Variants in LYST observed in about 807,000 individuals in gnomAD.
LYST encodes the protein lysosomal-trafficking regulator.
Under a neutral mutation model 413.6 loss-of-function variants are expected in LYST, and 192 were observed. That is an observed-to-expected ratio of 0.46 (90% CI 0.41 to 0.52). The LOEUF (loss-of-function observed/expected upper bound fraction) is 0.52, where lower values mean the gene tolerates loss of function less well. Ranked by LOEUF, LYST falls within the 20% of genes least tolerant of loss-of-function variation. The pLI, the probability that LYST is intolerant of heterozygous loss-of-function variation, is 0.00. For synonymous variants in LYST, 1,525 were observed against 1,567.3 expected (o/e 0.97, Z 0.64); for missense variants, 3,815 against 4,499.9 (o/e 0.85, Z 4.35).
intron 44 of LYST, among the ~76,000 whole-genome samples, chr1:235,703,252 C>G (rs973068260): frequency 1.3e-5 from 2 of 151,958 alleles, no homozygotes; most frequent in African/African-American, 4.8e-5. Context: ...CATATATGAC[C>G]TGATACTAAA....
intron 47 of LYST, among the ~76,000 whole-genome samples, chr1:235,689,081 GA>G (rs1224135687): frequency 2.0e-5 from 3 of 150,624 alleles, no homozygotes; most frequent in Non-Finnish European, 4.4e-5. Flanking sequence ...TCAAATCAAA[GA>G]ATTAATGGGT....
At chr1:235,692,148 C>A (rs1660710319) in intron 47 of LYST, among the ~76,000 whole-genome samples, 1 of 150,872 alleles carries the variant, frequency 6.6e-6, no homozygotes, top group African/African-American at 2.4e-5. Context: ...ACCTGGCTAA[C>A]ATGGTGAAAC....
chr1:235,738,226 A>G (rs1372438085), intron 31 of LYST: 13 of 1,610,598 alleles, frequency 8.1e-6, no homozygotes, highest in Non-Finnish European at 8.5e-6. Flanking sequence ...AGAACACCAA[A>G]GATTGTCTCT....
At chr1:235,748,931 G>C (rs1666186129) in intron 28 of LYST, among the ~76,000 whole-genome samples, 1 of 152,176 alleles carries the variant, frequency 6.6e-6, no homozygotes, top group Admixed American at 6.5e-5. Flanking sequence ...TGAAGGTGAA[G>C]GGTAGTGGCA....
At chr1:235,842,907 T>A (rs1219106274) in intron 1 of LYST, among the ~76,000 whole-genome samples, 1 of 152,178 alleles carries the variant, frequency 6.6e-6, no homozygotes, top group African/African-American at 2.4e-5. Context: ...CCCTCAGTCT[T>A]GTGGATTTTC....
At chr1:235,714,439 C>T (rs6663926) in intron 42 of LYST, among the ~76,000 whole-genome samples, 7,666 of 152,206 alleles carry the variant, frequency 0.05, 657 homozygotes, top group African/African-American at 0.17. Flanking sequence ...CATAGGAAAG[C>T]CCCTTTTATA....
intron 42 of LYST, 181 bp from the exon 43 acceptor site, chr1:235,712,378 A>T: frequency 1.8e-6 from 1 of 544,264 alleles, no homozygotes. Flanking sequence ...ACTTGAGATC[A>T]TATTACATTT....
intron 32 of LYST, 117 bp from the exon 33 acceptor site, chr1:235,734,023 C>T (rs560268748): frequency 4.4e-5 from 25 of 571,128 alleles, no homozygotes; most frequent in African/African-American, 1.1e-4. Context: ...ACAATTGTCC[C>T]TAGGAGACCA....
rs186572088 is a variant in LYST at position 235,682,317 on chromosome 1, C to T, written c.10800+4632G>A. 4.0e-4 allele frequency among the ~76,000 whole-genome samples: 61 copies of T among 152,172 alleles called. 1 individual carries two copies. The East Asian group carries it at 7.7e-3, about 19-fold the overall frequency. On this transcript the variant is annotated intron_variant, in intron 48 of 52. Coordinates refer to ENST00000389793, the MANE Select transcript of LYST (RefSeq NM_000081.4). The stretch of plus-strand genomic sequence containing the variant: ...TCCAGCATGGGCAAAAGGGCAAGAC[C>T]CTGTATGCCCAAGAAGAAAGTGGAG...
rs147433918 is a variant in LYST, at chr1:235,810,126, T to C, written c.692A>G (p.Gln231Arg). 146 of 1,614,210 alleles carry C rather than the reference T, an allele frequency of 9.0e-5. 1 individual carries two copies. In the African/African-American group the frequency reaches 1.8e-3, roughly 20 times the overall value. The change falls in exon 5 of 53, where the codon CAG (glutamine) becomes CGG (arginine). Residue 231 changes from glutamine (Q) to arginine (R), a missense_variant. Around this residue, in one of 4 missense-constraint regions of LYST, gnomAD observed 1,648 missense variants for 1,810.3 expected, o/e 0.91. Transcript: ENST00000389793. Reference sequence around the variant, plus strand: ...ACTTAAAATGTCAGTGTTTGACCCCTGTCTTGGAATAATCTCTCTGGAATT... The same window carrying C: ...ACTTAAAATGTCAGTGTTTGACCCCCGTCTTGGAATAATCTCTCTGGAATT... ...LENSREIIPR[Q>R]GSNTDILSEP...
intron 14 of LYST, among the ~76,000 whole-genome samples, 153 bp from the exon 15 acceptor site, chr1:235,782,240 C>G (rs1217967297): frequency 2.0e-5 from 3 of 150,668 alleles, no homozygotes; most frequent in Admixed American, 6.6e-5. Flanking sequence ...ACGATCTCAG[C>G]TCACTGCAAG....
In LYST at chr1:235,809,805, TCTA is replaced by T; in HGVS notation, c.1010_1012del (p.Val337del). On this transcript the variant is annotated inframe_deletion, in exon 5 of 53. Transcript: ENST00000389793. The surrounding 1 kb of genome is among the most constrained non-coding windows in gnomAD (Gnocchi z 4.0). ...TGGCATCATCTCTGCAGTACTAACA[TCTA>T]CTGACAGAAGATGCAACACTGTTCG... 1 of 1,614,016 alleles carries T rather than the reference TCTA, an allele frequency of 6.2e-7. No individual in the cohort carries two copies. The highest frequency in any genetic ancestry group is 8.5e-7 in the Non-Finnish European group (1 of 1,179,978).
intron 38 of LYST, among the ~76,000 whole-genome samples, chr1:235,726,552 A>G (rs1016067673): frequency 1.5e-4 from 23 of 152,228 alleles, no homozygotes; most frequent in Non-Finnish European, 3.1e-4. Flanking sequence ...TTGCACACAC[A>G]ACGCAAGATA....
At chr1:235,824,023 T>G (rs1054763232) in intron 3 of LYST, among the ~76,000 whole-genome samples, 1 of 152,208 alleles carries the variant, frequency 6.6e-6, no homozygotes, top group Non-Finnish European at 1.5e-5. Flanking sequence ...GGTCTGATAT[T>G]GTTCTATTTA....
intron 38 of LYST, among the ~76,000 whole-genome samples, chr1:235,725,974 T>C (rs1663832316): frequency 6.6e-6 from 1 of 152,180 alleles, no homozygotes; most frequent in Non-Finnish European, 1.5e-5. Flanking sequence ...AAATGCATCT[T>C]AATCTTTTGT....
intron 36 of LYST, among the ~76,000 whole-genome samples, 162 bp from the exon 37 acceptor site, chr1:235,729,819 T>C (rs576130829): frequency 2.7e-4 from 41 of 152,284 alleles, no homozygotes; most frequent in African/African-American, 7.2e-4. Context: ...ATTAGCTCCT[T>C]TTTAGCATTC....
intron 16 of LYST, among the ~76,000 whole-genome samples, chr1:235,777,975 T>C (rs1410014627): frequency 6.6e-6 from 1 of 151,378 alleles, no homozygotes; most frequent in African/African-American, 2.4e-5. Flanking sequence ...CAGGCTGGAG[T>C]GCAGTGGCAT....
At chr1:235,776,847 G>C (rs1669303213) in intron 17 of LYST, among the ~76,000 whole-genome samples, 1 of 151,582 alleles carries the variant, frequency 6.6e-6, no homozygotes, top group Non-Finnish European at 1.5e-5. Flanking sequence ...TTACATTTTT[G>C]GTTAATAGAA....
At chr1:235,709,804 T>C (rs1662264847) in intron 43 of LYST, among the ~76,000 whole-genome samples, 1 of 149,958 alleles carries the variant, frequency 6.7e-6, no homozygotes, top group Admixed American at 6.6e-5. Context: ...AGTATACACA[T>C]TGTTAGAATG....
Sources: allele counts gnomAD v4.1 joint callset (sites outside exome capture counted in the v4.1 genomes callset), GRCh38; gene constraint gnomAD v4.1.1; regional missense constraint gnomAD v4.1.1; non-coding constraint Gnocchi (gnomAD v3.1); transcripts MANE v1.5; gene names NCBI Gene and HGNC (gene_info 2026-07-23, HGNC 2026-07-21).